Variants in UBXN7 observed in about 807,000 individuals in gnomAD.
The protein encoded by UBXN7 is UBX domain-containing protein 7.
Under a neutral mutation model 58.0 loss-of-function variants are expected in UBXN7, and 9 were observed. The observed-to-expected ratio is 0.16, with a 90% confidence interval of 0.09 to 0.27. UBXN7 has a LOEUF of 0.27. UBXN7 is among the 10% of genes least tolerant of loss of function. The probability of loss-of-function intolerance (pLI) is 1.00; values close to 1 mark genes in which losing one functional copy is unlikely to be tolerated. For synonymous variants in UBXN7, 208 were observed against 205.0 expected (o/e 1.01, Z -0.12); for missense variants, 328 against 599.6 (o/e 0.55, Z 4.73).
intron 3 of UBXN7, among the ~76,000 whole-genome samples, chr3:196,401,841 A>AGAAGAGAAGC (rs1380866410): frequency 2.7e-5 from 4 of 150,286 alleles, no homozygotes; most frequent in African/African-American, 9.8e-5. Flanking sequence ...AGAAGAGAAG[A>AGAAGAGAAGC]GAAGAGAAGA....
rs754513631 is a variant in UBXN7 at position 196,369,372 on chromosome 3, C to T, written c.706+49G>A. The T allele has an allele frequency of 5.8e-6, 8 of 1,377,678 alleles. No homozygotes were observed. In the South Asian group the frequency reaches 8.5e-5, roughly 15 times the overall value. The allele number at this position is 1,377,678 out of a possible 1,614,324, so 85.3% of individuals were successfully genotyped here. On this transcript the variant is annotated intron_variant, in intron 7 of 10. Coordinates refer to ENST00000296328, the MANE Select transcript of UBXN7 (RefSeq NM_015562.2). ...TATTAAAGATCAATCATTTAGGTAA[C>T]TGAAAGACAAGTAATAGGTTAAAAG...
chr3:196,396,277 T>C (rs1169154671), intron 3 of UBXN7, among the ~76,000 whole-genome samples: 1 of 150,314 alleles, frequency 6.7e-6, no homozygotes, highest in Non-Finnish European at 1.5e-5. Flanking sequence ...ACTAGTTATC[T>C]GGCCCTGGTG....
At chr3:196,429,798 A>G (rs1227305584) in intron 1 of UBXN7, among the ~76,000 whole-genome samples, 1 of 152,234 alleles carries the variant, frequency 6.6e-6, no homozygotes, top group African/African-American at 2.4e-5. Flanking sequence ...ACAATATTTG[A>G]AGAACACTCA....
rs987690441 is a variant in UBXN7, at chr3:196,360,949, G to C, written c.1308+895C>G. Among the ~76,000 whole-genome samples the C allele has an allele frequency of 5.9e-5, 9 of 152,300 alleles. No homozygotes were observed. The East Asian group carries it at 1.7e-3, about 29-fold the overall frequency. ...GCCGGGGCGGGGAGTCAAGGTTACA[G>C]TGAGCTATGACCACTGCACACCAGC... On this transcript the variant is annotated intron_variant, in intron 10 of 10. Coordinates refer to ENST00000296328, the MANE Select transcript of UBXN7 (RefSeq NM_015562.2).
Position 196,372,027 on chromosome 3 carries a change from G to A in UBXN7, c.484C>T (p.Gln162Ter). 6.2e-7 allele frequency: 1 copy of A among 1,607,712 alleles called. No homozygotes were observed. Among genetic ancestry groups the A allele is most frequent in the East Asian group, 2.2e-5 (1 of 44,640 alleles). The change falls in exon 6 of 11, where the codon CAG (glutamine) becomes TAG (stop). Residue 162 changes from glutamine (Q) to a stop codon, truncating the protein, a stop_gained. Coordinates refer to ENST00000296328, the MANE Select transcript of UBXN7 (RefSeq NM_015562.2). LOFTEE classifies it high-confidence loss of function. ...GSFETAKECGQMQNKWLMINI... is the reference protein window; with the variant it reads ...GSFETAKECG The stretch of plus-strand genomic sequence containing the variant: ...ATCATCAGCCACTTATTTTGCATCT[G>A]GCCACACTCTTTGGCCTGCAAGAGT...
At position 196,414,944 on chromosome 3, in the gene UBXN7, T is replaced by C. The variant is rs149723946; in HGVS notation, c.74-7551A>G. On this transcript the variant is annotated intron_variant, in intron 1 of 10. Coordinates refer to ENST00000296328, the MANE Select transcript of UBXN7 (RefSeq NM_015562.2). ...AAAACAAAAACACAAATGCAACTTT[T>C]TGAAGGAAAGGAAAAGTTCTAATAT... is the stretch of plus-strand genomic sequence containing the variant. 1.6e-4 allele frequency among the ~76,000 whole-genome samples: 25 copies of C among 152,248 alleles called. No homozygotes were observed. In the East Asian group the frequency reaches 4.8e-3, roughly 29 times the overall value.
rs1269101481 is a variant in UBXN7, at chr3:196,401,298, T to TATAC, written c.289+1653_289+1654insGTAT. Among the ~76,000 whole-genome samples, 477 of 61,594 alleles carry TATAC rather than the reference T, an allele frequency of 7.7e-3. 5 individuals are homozygous for TATAC. The highest frequency in any genetic ancestry group is 0.014 in the Middle Eastern group (1 of 72). 40.4% of individuals were successfully genotyped at this position (61,594 alleles called of 152,430 possible). ...AAATATATATATATATATATATATA[T>TATAC]ACACACACACACACACACACACATA... On this transcript the variant is annotated intron_variant, in intron 3 of 10. Transcript: ENST00000296328.
intron 1 of UBXN7, among the ~76,000 whole-genome samples, chr3:196,431,186 G>C (rs553877098): frequency 6.6e-6 from 1 of 152,120 alleles, no homozygotes; most frequent in South Asian, 2.1e-4. Flanking sequence ...AACATTCTCC[G>C]CATCTAACAA....
In UBXN7 at chr3:196,402,958, A is replaced by G; in HGVS notation, c.283T>C (p.Phe95Leu). ...GGGAAAAAAGTGAACTTACCACCAA[A>G]TAATGGTTCTGGTTCCACCAGTATT... Reference protein sequence around the residue: ...QEILVEPEPLFGAPKRRRPAR... With the variant: ...QEILVEPEPLLGAPKRRRPAR... The change falls in exon 3 of 11, where the codon TTT (phenylalanine) becomes CTT (leucine). Residue 95 changes from phenylalanine to leucine, a missense_variant. Physicochemically the swap from Phe to Leu is conservative, Grantham distance 22. This residue lies in a region of UBXN7 where 106 missense variants were observed against 124.3 expected (regional missense o/e 0.85). Coordinates refer to ENST00000296328, the MANE Select transcript of UBXN7 (RefSeq NM_015562.2). The G allele has an allele frequency of 1.3e-6, 2 of 1,596,788 alleles. No homozygotes were observed. Among genetic ancestry groups the G allele is most frequent in the Non-Finnish European group, 1.7e-6 (2 of 1,176,428 alleles).
chr3:196,359,189 A>G lies in UBXN7; in HGVS notation c.1309-2343T>C, dbSNP rs1360070101. On this transcript the variant is annotated intron_variant, in intron 10 of 10. Transcript: ENST00000296328. ...CTTTTGGTAATGCTTGCAGTTCATT[A>G]TTTTATCTATTATAATGAACTGTGA... is the stretch of plus-strand genomic sequence containing the variant. 2.0e-5 allele frequency among the ~76,000 whole-genome samples: 3 copies of G among 152,076 alleles called. No individual in the cohort carries two copies. The East Asian group carries it at 5.8e-4, about 29-fold the overall frequency.
intron 2 of UBXN7, among the ~76,000 whole-genome samples, chr3:196,406,650 T>C (rs1412701775): frequency 1.3e-5 from 2 of 151,842 alleles, no homozygotes; most frequent in African/African-American, 4.8e-5. Flanking sequence ...TTCACCATGT[T>C]GGTCAAGCTG....
chr3:196,380,189 G>T (rs961186760), intron 5 of UBXN7, among the ~76,000 whole-genome samples: 1 of 151,692 alleles, frequency 6.6e-6, no homozygotes, highest in African/African-American at 2.4e-5. Flanking sequence ...GGTGGAGCGT[G>T]CAGTGAGGCA....
intron 5 of UBXN7, among the ~76,000 whole-genome samples, chr3:196,374,646 C>T (rs1264646101): frequency 1.3e-5 from 2 of 150,346 alleles, no homozygotes; most frequent in African/African-American, 2.5e-5. Flanking sequence ...TTTGGGAGGC[C>T]GAGGTGGGTG....
chr3:196,378,925 T>C (rs1439903800), intron 5 of UBXN7, among the ~76,000 whole-genome samples: 2 of 128,696 alleles, frequency 1.6e-5, no homozygotes. Context: ...ATGTTGGTTT[T>C]GGGGGGTTTT....
At chr3:196,405,703 T>C (rs1353690821) in intron 2 of UBXN7, among the ~76,000 whole-genome samples, 2 of 152,132 alleles carry the variant, frequency 1.3e-5, no homozygotes, top group Non-Finnish European at 2.9e-5. Flanking sequence ...CGAAAAGACT[T>C]GATTACTACA....
At chr3:196,409,386 A>G (rs1376249831) in intron 1 of UBXN7, among the ~76,000 whole-genome samples, 3 of 152,124 alleles carry the variant, frequency 2.0e-5, no homozygotes, top group Admixed American at 2.0e-4. Flanking sequence ...CAGTTTCTAT[A>G]GGTCACTGTT....
intron 1 of UBXN7, among the ~76,000 whole-genome samples, chr3:196,430,309 C>G (rs763136480): frequency 6.6e-6 from 1 of 151,670 alleles, no homozygotes; most frequent in Non-Finnish European, 1.5e-5. Context: ...GAGCCAAGAT[C>G]GTGCCTGGGA....
In UBXN7 at chr3:196,396,314, T is replaced by C. The variant is rs1020954589; in HGVS notation, c.290-2695A>G. 5.3e-5 allele frequency among the ~76,000 whole-genome samples: 8 copies of C among 151,870 alleles called. No homozygotes were observed. The East Asian group carries it at 1.5e-3, about 29-fold the overall frequency. ...AGTGATGTGCGCCTATAGTCCCAGC[T>C]GCCCAGGTGGCTGATGTGAGAGGAT... On this transcript the variant is annotated intron_variant, in intron 3 of 10. Transcript: ENST00000296328.
At chr3:196,396,698 G>C (rs571107372) in intron 3 of UBXN7, among the ~76,000 whole-genome samples, 45 of 152,242 alleles carry the variant, frequency 3.0e-4, no homozygotes, top group Non-Finnish European at 5.4e-4. Flanking sequence ...AGGAGGTGGA[G>C]CTTGCAGTGA....
Sources: allele counts gnomAD v4.1 joint callset (sites outside exome capture counted in the v4.1 genomes callset), GRCh38; gene constraint gnomAD v4.1.1; regional missense constraint gnomAD v4.1.1; transcripts MANE v1.5; gene names NCBI Gene and HGNC (gene_info 2026-07-23, HGNC 2026-07-21).